Variants in LIMK1 observed in about 807,000 individuals in gnomAD.
LIMK1 encodes LIM domain kinase 1.
A neutral mutation model predicts 77.6 loss-of-function variants in LIMK1; 21 were observed. That is an observed-to-expected ratio of 0.27 (90% CI 0.19 to 0.39). The LOEUF is 0.39. Ranked by LOEUF, LIMK1 falls within the 10% of genes least tolerant of loss-of-function variation. The pLI, the probability that LIMK1 is intolerant of heterozygous loss-of-function variation, is 1.00. For missense variants in LIMK1, 696 were observed against 901.6 expected (o/e 0.77, Z 2.92); for synonymous variants, 358 against 370.0 (o/e 0.97, Z 0.37).
chr7:74,084,910 T>C (rs1461282480), intron 1 of LIMK1, among the ~76,000 whole-genome samples: 4 of 152,078 alleles, frequency 2.6e-5, no homozygotes, highest in African/African-American at 7.2e-5. Flanking sequence ...GAAAACCTGA[T>C]TGGGGTAGGG....
At chr7:74,093,081 GT>G in intron 2 of LIMK1, 1 of 1,389,414 alleles carries the variant, frequency 7.2e-7, no homozygotes, top group South Asian at 1.6e-5. Context: ...CTCAGACCAA[GT>G]CCCCTGGCAC....
intron 2 of LIMK1, among the ~76,000 whole-genome samples, chr7:74,093,799 G>GGA (rs1799283241): frequency 6.6e-6 from 1 of 152,148 alleles, no homozygotes; most frequent in Admixed American, 6.5e-5. Flanking sequence ...TCAGTACCTG[G>GGA]CGCACCTCCC....
chr7:74,097,135 C>A lies in LIMK1; in HGVS notation c.347C>A (p.Thr116Asn), dbSNP rs1365388063. The A allele has an allele frequency of 6.8e-6, 11 of 1,613,466 alleles. No individual in the cohort carries two copies. Among genetic ancestry groups the A allele is most frequent in the East Asian group, 2.2e-5 (1 of 44,876 alleles). Residue 116 changes from threonine to asparagine, a missense_variant, in exon 4 of 16, where the codon ACC becomes AAC. Thr to Asn is a moderately conservative substitution (Grantham distance 65). Transcript: ENST00000336180. Reference sequence around the variant, plus strand: ...TGTTTCATCTGCCTCACGTGTGGGACCTTTATCGGTGACGGGGACACCTAC... The same window carrying A: ...TGTTTCATCTGCCTCACGTGTGGGAACTTTATCGGTGACGGGGACACCTAC... ...PECFICLTCG[T>N]FIGDGDTYTL...
chr7:74,092,916 C>A (rs568969760), intron 2 of LIMK1, among the ~76,000 whole-genome samples: 98 of 152,282 alleles, frequency 6.4e-4, no homozygotes, highest in African/African-American at 2.3e-3. Flanking sequence ...AGTGCCGTTG[C>A]CAGGGCCGAG....
intron 10 of LIMK1, chr7:74,109,510 C>G (rs1233435516): frequency 5.7e-6 from 1 of 174,116 alleles, no homozygotes; most frequent in Non-Finnish European, 1.2e-5. Flanking sequence ...CACCTGAGGT[C>G]AGGAGTCCAA....
intron 13 of LIMK1, among the ~76,000 whole-genome samples, chr7:74,119,570 C>T (rs1799890876): frequency 6.6e-6 from 1 of 151,760 alleles, no homozygotes; most frequent in African/African-American, 2.4e-5. Context: ...GTGTCAGTTT[C>T]CTGAGGTTGC....
chr7:74,120,995 C>T lies in LIMK1; in HGVS notation c.1727C>T (p.Pro576Leu). The change falls in exon 15 of 16, where the codon CCC (proline) becomes CTC (leucine). Residue 576 changes from proline (P) to leucine (L), a missense_variant. By Grantham distance (98) the Pro-to-Leu change is moderately conservative. Coordinates refer to ENST00000336180, the MANE Select transcript of LIMK1 (RefSeq NM_002314.4). ...FLDRYCPPNC[P>L]PSFFPITVRC... ...GACCGCTACTGCCCCCCAAACTGCC[C>T]CCCGAGCTTCTTCCCCATCACCGTG... is the stretch of plus-strand genomic sequence containing the variant. 1.2e-6 allele frequency: 2 copies of T among 1,610,064 alleles called. No individual in the cohort carries two copies. The highest frequency in any genetic ancestry group is 2.2e-5 in the South Asian group (2 of 90,688).
chr7:74,101,825 GACAC>G (rs1799464837), intron 5 of LIMK1, among the ~76,000 whole-genome samples: 1 of 135,722 alleles, frequency 7.4e-6, no homozygotes, highest in Non-Finnish European at 1.6e-5. Flanking sequence ...TATATATATA[GACAC>G]ACAATTTTTT....
At chr7:74,120,678 G>A (rs958254593) in intron 14 of LIMK1, 40 bp downstream of exon 14, 5 of 1,607,804 alleles carry the variant, frequency 3.1e-6, no homozygotes, top group Non-Finnish European at 3.4e-6. Context: ...TGAGGCCTGG[G>A]CTCCTCCCCA....
chr7:74,097,213 A>C (rs1208082561), intron 4 of LIMK1, 24 bp downstream of exon 4: 1 of 1,487,744 alleles, frequency 6.7e-7, no homozygotes, highest in Non-Finnish European at 9.2e-7. Flanking sequence ...CCCCTCCCTG[A>C]GCCTAGGAGG....
intron 13 of LIMK1, among the ~76,000 whole-genome samples, chr7:74,117,296 G>A (rs1364161353): frequency 6.6e-6 from 1 of 152,102 alleles, no homozygotes; most frequent in Non-Finnish European, 1.5e-5. Flanking sequence ...GGGATTCCAG[G>A]CATGAGCCAC....
intron 5 of LIMK1, among the ~76,000 whole-genome samples, chr7:74,105,545 A>G (rs2269082): frequency 0.25 from 38,602 of 151,472 alleles, 6,193 homozygotes; most frequent in African/African-American, 0.46. Context: ...TCGAGACCAA[A>G]CATACCTGGG....
intron 13 of LIMK1, among the ~76,000 whole-genome samples, chr7:74,117,986 A>G (rs894912865): frequency 1.1e-4 from 16 of 151,554 alleles, no homozygotes; most frequent in Non-Finnish European, 1.5e-4. Flanking sequence ...CACAGCTACT[A>G]GGGAGGCTGA....
At position 74,099,209 on chromosome 7, in the gene LIMK1, C is replaced by T. The variant is rs201008021; in HGVS notation, c.579C>T (p.Thr193=). ...DPPHGPPGCG[T]EHSHTVRVQG... ...CGCACGGCCCACCGGGCTGTGGCAC[C>T]GAGCACTCACACACCGTCCGCGTCC... is the stretch of plus-strand genomic sequence containing the variant. The change falls in exon 5 of 16, where the codon ACC becomes ACT. Residue 193 remains threonine (T), a synonymous_variant. Transcript: ENST00000336180. 52 of 1,608,286 alleles carry T rather than the reference C, an allele frequency of 3.2e-5. No individual in the cohort carries two copies. The highest frequency in any genetic ancestry group is 1.6e-4 in the Middle Eastern group (1 of 6,082).
intron 12 of LIMK1, among the ~76,000 whole-genome samples, chr7:74,112,812 G>A (rs903749267): frequency 2.6e-5 from 4 of 151,250 alleles, no homozygotes; most frequent in African/African-American, 4.9e-5. Context: ...GTGACAGAGC[G>A]AGACTCCATC....
chr7:74,107,389 G>A (rs1409085222), intron 8 of LIMK1, among the ~76,000 whole-genome samples, 196 bp downstream of exon 8: 2 of 152,112 alleles, frequency 1.3e-5, no homozygotes, highest in Non-Finnish European at 2.9e-5. Flanking sequence ...CCTTATGTGC[G>A]GGAGGTCATT....
At chr7:74,102,915 T>A (rs1799495628) in intron 5 of LIMK1, among the ~76,000 whole-genome samples, 1 of 151,418 alleles carries the variant, frequency 6.6e-6, no homozygotes, top group African/African-American at 2.4e-5. Flanking sequence ...GTTGCCCAGG[T>A]TGGAGCGCAA....
At chr7:74,092,214 C>T (rs1442328292) in intron 2 of LIMK1, among the ~76,000 whole-genome samples, 7 of 152,098 alleles carry the variant, frequency 4.6e-5, no homozygotes, top group Non-Finnish European at 1.0e-4. Context: ...GATCTGTCTA[C>T]CTCAGCCTCC....
intron 10 of LIMK1, 51 bp from the exon 11 acceptor site, chr7:74,111,597 G>T: frequency 6.7e-7 from 1 of 1,482,024 alleles, no homozygotes; most frequent in Non-Finnish European, 9.3e-7. Context: ...AACCATCCCT[G>T]CCATCGGGGC....
Sources: allele counts gnomAD v4.1 joint callset (sites outside exome capture counted in the v4.1 genomes callset), GRCh38; gene constraint gnomAD v4.1.1; transcripts MANE v1.5; gene names NCBI Gene and HGNC (gene_info 2026-07-23, HGNC 2026-07-21).